Variants in JAG2 observed in about 807,000 individuals in gnomAD.
JAG2 encodes protein jagged-2.
JAG2 carries 46 observed loss-of-function variants against 141.7 expected under a neutral mutation model. The ratio of observed to expected loss-of-function variants is 0.32; its 90% CI spans 0.26 to 0.42. JAG2 has a LOEUF of 0.42. JAG2 is among the 10% of genes least tolerant of loss of function. The probability of loss-of-function intolerance (pLI) is 1.00; values close to 1 mark genes in which losing one functional copy is unlikely to be tolerated. For synonymous variants in JAG2, 862 were observed against 763.5 expected, an observed-to-expected ratio of 1.13 and a Z score of -2.13; for missense variants, 1,500 against 1,817.5, an observed-to-expected ratio of 0.83 and a Z score of 3.18.
Position 105,142,542 on chromosome 14 carries a change from A to C in JAG2, c.*153T>G. On this transcript the variant is annotated 3_prime_UTR_variant, in exon 26 of 26. Coordinates refer to ENST00000331782, the MANE Select transcript of JAG2 (RefSeq NM_002226.5). ...GTTACTGAATAATTTATACAAGGTT[A>C]AAGAAACGTAGAAAATAAACATTTG... 1 of 617,398 alleles carries C rather than the reference A, an allele frequency of 1.6e-6. No individual in the cohort carries two copies. The highest frequency in any genetic ancestry group is 2.8e-6 in the Non-Finnish European group (1 of 352,654). 38.2% of individuals were successfully genotyped at this position (617,398 alleles called of 1,614,324 possible).
In JAG2 at chr14:105,154,006, G is replaced by A. The variant is rs1394155662; in HGVS notation, c.788+1556C>T. On this transcript the variant is annotated intron_variant, in intron 5 of 25. Transcript: ENST00000331782. This position sits in a 1 kb window ranked among gnomAD's most constrained non-coding sequence, Gnocchi z 4.4. Reference sequence around the variant, plus strand: ...CTCGCTCAACCTGCCGGGAATCCCTGTGTGTGCAAGTGACCGGGTGGGCGG... The same window carrying A: ...CTCGCTCAACCTGCCGGGAATCCCTATGTGTGCAAGTGACCGGGTGGGCGG... Among the ~76,000 whole-genome samples, 1 of 152,204 alleles carries A rather than the reference G, an allele frequency of 6.6e-6. No individual in the cohort carries two copies. Among genetic ancestry groups the A allele is most frequent in the Non-Finnish European group, 1.5e-5 (1 of 68,030 alleles).
At chr14:105,149,807 G>A (rs1451028952) in intron 12 of JAG2, among the ~76,000 whole-genome samples, 1 of 137,052 alleles carries the variant, frequency 7.3e-6, no homozygotes, top group Non-Finnish European at 1.6e-5. Flanking sequence ...GTAGGGAGGT[G>A]GGTGGGGGGA....
intron 1 of JAG2, 86 bp from the exon 2 acceptor site, chr14:105,168,193 CG>C (rs1169394533): frequency 1.7e-6 from 2 of 1,158,278 alleles, no homozygotes; most frequent in East Asian, 7.2e-5. Flanking sequence ...CAGGCCCCGC[CG>C]CCCCGCCCCC....
intron 2 of JAG2, among the ~76,000 whole-genome samples, chr14:105,159,801 G>A (rs182105934): frequency 1.0e-4 from 3 of 28,718 alleles, no homozygotes; most frequent in African/African-American, 1.7e-4. Context: ...AACATGCTCC[G>A]TCCACACCCC....
At chr14:105,156,235 C>CGGCTAGG (rs1364264730) in intron 3 of JAG2, among the ~76,000 whole-genome samples, 4 of 152,292 alleles carry the variant, frequency 2.6e-5, no homozygotes, top group Non-Finnish European at 4.4e-5. Flanking sequence ...TCGGGGGGCC[C>CGGCTAGG]GGCTAGGGGC....
chr14:105,150,824 C>T (rs1461994590), intron 11 of JAG2, 41 bp downstream of exon 11: 3 of 1,572,748 alleles, frequency 1.9e-6, no homozygotes, highest in Non-Finnish European at 8.6e-7. Flanking sequence ...CCTGACGGCC[C>T]CGCAGCACCC....
Position 105,145,788 on chromosome 14 carries a change from G to A in JAG2, c.2895C>T (p.His965=), listed in dbSNP as rs1245464956. 6.3e-7 allele frequency: 1 copy of A among 1,578,450 alleles called. No individual in the cohort carries two copies. Among genetic ancestry groups the A allele is most frequent in the East Asian group, 2.4e-5 (1 of 42,420 alleles). Residue 965 remains histidine (H), a synonymous_variant, in exon 23 of 26, where the codon CAC becomes CAT. Coordinates refer to ENST00000331782, the MANE Select transcript of JAG2 (RefSeq NM_002226.5). The part of the protein sequence containing the change: ...PSTPCLPRSG[H]LDNNCARLTL... ...TGAGGCGGGCACAGTTATTGTCCAG[G>A]TGGCCGGAGCGTGGCAGGCAGGGGG...
chr14:105,144,739 T>G (rs1445147984), intron 24 of JAG2, among the ~76,000 whole-genome samples, 191 bp downstream of exon 24: 1 of 152,156 alleles, frequency 6.6e-6, no homozygotes, highest in East Asian at 1.9e-4. Flanking sequence ...ATCTCCCTCA[T>G]GCTGGCCAGG....
chr14:105,168,141 C>T (rs2141000467), intron 1 of JAG2, 34 bp from the exon 2 acceptor site: 1 of 1,465,114 alleles, frequency 6.8e-7, no homozygotes, highest in Non-Finnish European at 9.0e-7. Flanking sequence ...CGGAGGGAGG[C>T]GCGGGCCGGG....
chr14:105,153,364 C>T (rs1184671253), intron 5 of JAG2, among the ~76,000 whole-genome samples: 1 of 152,230 alleles, frequency 6.6e-6, no homozygotes, highest in Non-Finnish European at 1.5e-5. Flanking sequence ...CCTCACATCC[C>T]GCCTAGAATC....
intron 24 of JAG2, 129 bp from the exon 25 acceptor site, chr14:105,143,767 G>C: frequency 9.1e-7 from 1 of 1,094,340 alleles, no homozygotes; most frequent in Non-Finnish European, 1.3e-6. Flanking sequence ...CCGGGGTCCT[G>C]CAGTGGCGAC....
At chr14:105,150,021 T>G (rs1191568471) in intron 12 of JAG2, among the ~76,000 whole-genome samples, 3 of 22,966 alleles carry the variant, frequency 1.3e-4, no homozygotes, top group East Asian at 1.6e-3. Flanking sequence ...GTGAGGTGGG[T>G]GGGGGGAGGC....
In JAG2 at chr14:105,155,637, G is replaced by A. The variant is rs749177367; in HGVS notation, c.728-15C>T. 2.1e-5 allele frequency: 34 copies of A among 1,612,536 alleles called. No homozygotes were observed. Among genetic ancestry groups the A allele is most frequent in the Non-Finnish European group, 2.7e-5 (32 of 1,179,896 alleles). ...TTTACACACAGCTGCGAACAGAGAG[G>A]AGCGAGAGGCACAGCTGCAGCCAGC... is the stretch of plus-strand genomic sequence containing the variant. On this transcript the variant is annotated splice_polypyrimidine_tract_variant and intron_variant, in intron 4 of 25. Transcript: ENST00000331782.
intron 25 of JAG2, 39 bp from the exon 26 acceptor site, chr14:105,143,209 TGGGCACCTGCG>T: frequency 6.3e-7 from 1 of 1,576,400 alleles, no homozygotes; most frequent in East Asian, 2.3e-5. Flanking sequence ...CAATGAGGCC[TGGGCACCTGCG>T]GGGCACTAGC....
chr14:105,153,949 C>A (rs1445079532), intron 5 of JAG2, among the ~76,000 whole-genome samples: 1 of 152,218 alleles, frequency 6.6e-6, no homozygotes, highest in Admixed American at 6.5e-5. Flanking sequence ...AGACCAGGTC[C>A]ACCTTGTTGC....
At chr14:105,145,179 A>G in intron 23 of JAG2, 118 bp from the exon 24 acceptor site, 1 of 1,407,556 alleles carries the variant, frequency 7.1e-7, no homozygotes, top group Non-Finnish European at 9.8e-7. Context: ...AGGAGAGCAC[A>G]GCAAGGATGC....
chr14:105,165,839 G>A (rs1195329108), intron 2 of JAG2, among the ~76,000 whole-genome samples: 1 of 152,232 alleles, frequency 6.6e-6, no homozygotes, highest in Non-Finnish European at 1.5e-5. Flanking sequence ...CAGGTCCCAG[G>A]GAGCCTGAAC....
chr14:105,154,281 G>A lies in JAG2; in HGVS notation c.788+1281C>T, dbSNP rs141127388. Among the ~76,000 whole-genome samples, 393 of 152,314 alleles carry A rather than the reference G, an allele frequency of 2.6e-3. 5 individuals carry two copies. Among genetic ancestry groups the A allele is most frequent in the African/African-American group, 9.0e-3 (376 of 41,568 alleles). ...AGGCAAACCCACTCCACAGAGGGAG[G>A]TCCTGGGACCCCTGCAATCCAAGGC... On this transcript the variant is annotated intron_variant, in intron 5 of 25. Coordinates refer to ENST00000331782, the MANE Select transcript of JAG2 (RefSeq NM_002226.5). The surrounding 1 kb of genome is among the most constrained non-coding windows in gnomAD (Gnocchi z 4.4).
At chr14:105,152,360 GCA>G in intron 5 of JAG2, 69 bp from the exon 6 acceptor site, 2 of 1,556,888 alleles carry the variant, frequency 1.3e-6, no homozygotes, top group South Asian at 1.2e-5. Context: ...GGGGAGCCAG[GCA>G]CAGTCACCCA....
Sources: allele counts gnomAD v4.1 joint callset (sites outside exome capture counted in the v4.1 genomes callset), GRCh38; gene constraint gnomAD v4.1.1; non-coding constraint Gnocchi (gnomAD v3.1); transcripts MANE v1.5; gene names NCBI Gene and HGNC (gene_info 2026-07-23, HGNC 2026-07-21).